DISC1: variants seen among roughly 807,000 people sequenced by gnomAD.
The protein encoded by DISC1 is DISC1 scaffold protein, also known as disrupted in schizophrenia 1 protein.
DISC1 carries 57 observed loss-of-function variants against 84.5 expected under a neutral mutation model. That is an observed-to-expected ratio of 0.67 (90% CI 0.55 to 0.84). DISC1 has a LOEUF of 0.84. Among genes scored for constraint, DISC1 ranks in the 40% least tolerant of loss-of-function variants. DISC1 has a pLI of 0.00. For missense variants in DISC1, 1,000 were observed against 1,057.8 expected, an observed-to-expected ratio of 0.95 and a Z score of 0.76; for synonymous variants, 411 against 415.2, an observed-to-expected ratio of 0.99 and a Z score of 0.12.
chr1:231,869,898 A>G (rs1447442987), intron 9 of DISC1, among the ~76,000 whole-genome samples: 9 of 152,068 alleles, frequency 5.9e-5, no homozygotes, highest in Admixed American at 5.9e-4. Context: ...ATTTTTTTCT[A>G]GATAAAATTC....
At chr1:231,800,061 T>C (rs2079101854) in intron 7 of DISC1, 47 bp from the exon 8 acceptor site, 2 of 1,495,486 alleles carry the variant, frequency 1.3e-6, no homozygotes, top group South Asian at 1.1e-5. Context: ...TGCCTTCTGA[T>C]TTTTAGCTGA....
At chr1:231,664,083 T>C (rs114900506) in intron 1 of DISC1, among the ~76,000 whole-genome samples, 176 of 138,316 alleles carry the variant, frequency 1.3e-3, no homozygotes, top group African/African-American at 4.3e-3. Context: ...TCCATCCGTC[T>C]ATCTATGTCT....
intron 9 of DISC1, among the ~76,000 whole-genome samples, chr1:231,953,748 C>G (rs821588): frequency 0.04 from 6,157 of 152,248 alleles, 406 homozygotes; most frequent in African/African-American, 0.14. Context: ...AATAACGTGG[C>G]TAATGTTTGA....
intron 9 of DISC1, among the ~76,000 whole-genome samples, chr1:231,844,834 G>A (rs1298263869): frequency 1.3e-5 from 2 of 151,470 alleles, no homozygotes; most frequent in African/African-American, 4.9e-5. Context: ...GGCTGAGGCA[G>A]GAGAATGGCA....
intron 1 of DISC1, among the ~76,000 whole-genome samples, chr1:231,662,136 C>T (rs993102212): frequency 6.6e-6 from 1 of 152,156 alleles, no homozygotes; most frequent in African/African-American, 2.4e-5. Context: ...AGCTCTGTGC[C>T]AGGGGGATAC....
chr1:231,788,902 C>G (rs1306018728), intron 6 of DISC1, among the ~76,000 whole-genome samples: 1 of 151,654 alleles, frequency 6.6e-6, no homozygotes, highest in Non-Finnish European at 1.5e-5. Flanking sequence ...CCACCCCACC[C>G]CACTTATTTC....
intron 2 of DISC1, among the ~76,000 whole-genome samples, chr1:231,699,930 T>C (rs1180938354): frequency 6.6e-6 from 1 of 152,246 alleles, no homozygotes; most frequent in Non-Finnish European, 1.5e-5. Context: ...CTTTCACTTC[T>C]TGCTTTCTTA....
intron 3 of DISC1, among the ~76,000 whole-genome samples, chr1:231,710,661 G>A: frequency 6.6e-6 from 1 of 152,164 alleles, no homozygotes; most frequent in East Asian, 1.9e-4. Context: ...TCTTTGGCTT[G>A]TAGACAGCTA....
At chr1:231,785,244 TGTGTGTGTG>T (rs773010414) in intron 6 of DISC1, among the ~76,000 whole-genome samples, 1 of 142,018 alleles carries the variant, frequency 7.0e-6, no homozygotes, top group African/African-American at 2.7e-5. Context: ...TGTGTGTGTG[TGTGTGTGTG>T]TTATTTTATT....
chr1:231,812,628 G>C (rs2080413506), intron 8 of DISC1, among the ~76,000 whole-genome samples: 1 of 152,172 alleles, frequency 6.6e-6, no homozygotes, highest in African/African-American at 2.4e-5. Flanking sequence ...CCTTGTTGAA[G>C]AGCAGGCGGG....
chr1:231,771,139 CT>C, intron 6 of DISC1, 69 bp downstream of exon 6: 2 of 1,479,960 alleles, frequency 1.4e-6, no homozygotes, highest in Non-Finnish European at 1.8e-6. Flanking sequence ...ATGATTTTGT[CT>C]GCTGTCTTTC....
At chr1:231,832,143 C>T (rs61835441) in intron 9 of DISC1, among the ~76,000 whole-genome samples, 130,028 of 151,764 alleles carry the variant, frequency 0.86, 55,813 homozygotes, top group Non-Finnish European at 0.88. Context: ...AAAGAGTGAG[C>T]ACAGCTGAAG....
At chr1:231,705,291 C>CAAAAAAAA (rs35677987) in intron 3 of DISC1, among the ~76,000 whole-genome samples, 1 of 11,058 alleles carries the variant, frequency 9.0e-5, no homozygotes, top group Non-Finnish European at 1.5e-4. Flanking sequence ...GACTCCATCT[C>CAAAAAAAA]AAAAAAAAAA....
intron 10 of DISC1, among the ~76,000 whole-genome samples, chr1:231,962,898 C>T (rs1660580246): frequency 6.6e-6 from 1 of 152,176 alleles, no homozygotes; most frequent in African/African-American, 2.4e-5. Flanking sequence ...CTTTCTCACT[C>T]AGTTCCCAGT....
intron 10 of DISC1, among the ~76,000 whole-genome samples, chr1:231,967,737 A>G (rs1661309342): frequency 1.3e-5 from 2 of 152,230 alleles, no homozygotes; most frequent in African/African-American, 4.8e-5. Context: ...TAATTCTACA[A>G]AGTTAAGTGA....
chr1:231,959,046 G>A (rs1660024365), intron 10 of DISC1, 158 bp downstream of exon 10: 2 of 1,418,488 alleles, frequency 1.4e-6, no homozygotes, highest in Non-Finnish European at 1.8e-6. Flanking sequence ...CAGTGAAAGA[G>A]CAGGTGCCAG....
chr1:231,691,837 G>C (rs531962005), intron 1 of DISC1, among the ~76,000 whole-genome samples: 1 of 152,288 alleles, frequency 6.6e-6, no homozygotes, highest in South Asian at 2.1e-4. Context: ...ACCCTGTTCC[G>C]ACTGCTGCCC....
chr1:231,835,944 T>G (rs969324372), intron 9 of DISC1, among the ~76,000 whole-genome samples: 10 of 152,202 alleles, frequency 6.6e-5, no homozygotes, highest in African/African-American at 2.2e-4. Flanking sequence ...CTATTTCCAC[T>G]CTGTGTATTA....
intron 9 of DISC1, among the ~76,000 whole-genome samples, chr1:231,948,465 G>A (rs1198259434): frequency 1.3e-5 from 2 of 152,104 alleles, no homozygotes; most frequent in Non-Finnish European, 2.9e-5. Flanking sequence ...GGTGGTGGGG[G>A]GCTCGGGAAG....
Sources: gnomAD v4.1 joint callset for allele counts (sites outside exome capture counted in the v4.1 genomes callset) on GRCh38, gnomAD v4.1.1 for gene constraint, MANE v1.5 for transcripts, NCBI Gene and HGNC (gene_info 2026-07-23, HGNC 2026-07-21) for gene names.